The following CCDC85A variants were observed in gnomAD, a reference collection of about 807,000 sequenced individuals.
The protein encoded by CCDC85A is coiled-coil domain containing 85A.
Under a neutral mutation model 50.2 loss-of-function variants are expected in CCDC85A, and 38 were observed. That is an observed-to-expected ratio of 0.76 (90% CI 0.58 to 0.99). The LOEUF (loss-of-function observed/expected upper bound fraction) is 0.99. Among genes scored for constraint, CCDC85A ranks in the 50% least tolerant of loss-of-function variants. CCDC85A has a pLI of 0.00. For missense variants in CCDC85A, 820 were observed against 742.0 expected (o/e 1.11, Z -1.22); for synonymous variants, 366 against 301.4 (o/e 1.21, Z -2.22).
intron 2 of CCDC85A, among the ~76,000 whole-genome samples, chr2:56,250,195 G>T (rs754408667): frequency 3.9e-5 from 6 of 152,112 alleles, no homozygotes; most frequent in Non-Finnish European, 8.8e-5. Context: ...TTAAGAGTTT[G>T]GTGCCTGTTT....
At chr2:56,255,669 T>C (rs1324871681) in intron 2 of CCDC85A, among the ~76,000 whole-genome samples, 3 of 152,116 alleles carry the variant, frequency 2.0e-5, no homozygotes, top group Non-Finnish European at 1.5e-5. Flanking sequence ...GGGCTGGGAA[T>C]GGAGGAGGTC....
chr2:56,239,457 GC>G (rs1377230271), intron 2 of CCDC85A, among the ~76,000 whole-genome samples: 2 of 152,060 alleles, frequency 1.3e-5, no homozygotes, highest in Admixed American at 6.6e-5. Flanking sequence ...TAACATTGTA[GC>G]AAACTACATG....
chr2:56,359,136 T>A (rs1413401903), intron 3 of CCDC85A, among the ~76,000 whole-genome samples: 3 of 152,136 alleles, frequency 2.0e-5, no homozygotes, highest in Non-Finnish European at 4.4e-5. Flanking sequence ...CTCTTCCTAA[T>A]ATTTGCTACT....
chr2:56,262,972 AT>A lies in CCDC85A; in HGVS notation c.1240+69542del, dbSNP rs529207942. ...AAAAATAAGAGGTGCCACAGAGAAC[AT>A]TTTTTTTTTCAAGACCACTTAAAGC... On this transcript the variant is annotated intron_variant, in intron 2 of 5. Coordinates refer to ENST00000407595, the MANE Select transcript of CCDC85A (RefSeq NM_001080433.2). Among the ~76,000 whole-genome samples the A allele has an allele frequency of 2.3e-4, 35 of 150,678 alleles. 1 individual carries two copies. Among genetic ancestry groups the A allele is most frequent in the Middle Eastern group, 3.4e-3 (1 of 292 alleles).
At chr2:56,236,944 A>G (rs1282033121) in intron 2 of CCDC85A, among the ~76,000 whole-genome samples, 2 of 152,102 alleles carry the variant, frequency 1.3e-5, no homozygotes, top group South Asian at 4.1e-4. Context: ...AAGAATGATG[A>G]TTCTGTTGTA....
intron 3 of CCDC85A, among the ~76,000 whole-genome samples, chr2:56,355,252 G>T (rs7562381): frequency 2.6e-5 from 4 of 151,924 alleles, no homozygotes; most frequent in African/African-American, 9.7e-5. Context: ...GGCTCCAAAC[G>T]CATAGGAAAA....
At chr2:56,316,034 CT>C (rs2104242554) in intron 2 of CCDC85A, among the ~76,000 whole-genome samples, 1 of 152,230 alleles carries the variant, frequency 6.6e-6, no homozygotes, top group Non-Finnish European at 1.5e-5. Context: ...AGGGGGTCAG[CT>C]TGGTGTTGGG....
chr2:56,330,934 G>A (rs1007818104), intron 2 of CCDC85A, among the ~76,000 whole-genome samples: 2 of 152,050 alleles, frequency 1.3e-5, no homozygotes, highest in African/African-American at 4.8e-5. Flanking sequence ...TATATTTATA[G>A]TAGCACATTT....
chr2:56,288,430 T>C (rs538890679), intron 2 of CCDC85A, among the ~76,000 whole-genome samples: 1 of 152,236 alleles, frequency 6.6e-6, no homozygotes, highest in African/African-American at 2.4e-5. Flanking sequence ...AAATACAAAC[T>C]AGTTTAATGT....
intron 2 of CCDC85A, among the ~76,000 whole-genome samples, chr2:56,319,590 C>T (rs1247772781): frequency 6.6e-6 from 1 of 152,038 alleles, no homozygotes; most frequent in Non-Finnish European, 1.5e-5. Flanking sequence ...AATAAATAAA[C>T]AATGAATATA....
At position 56,184,282 on chromosome 2, in the gene CCDC85A, G is replaced by C. The variant is rs182343995; in HGVS notation, c.-343G>C. On this transcript the variant is annotated 5_prime_UTR_variant, in exon 1 of 6. Coordinates refer to ENST00000407595, the MANE Select transcript of CCDC85A (RefSeq NM_001080433.2). ...GGCTTAGGGCGGAGGAGAGGGCAGG[G>C]GAACGGCGGTGCAGCTCCCCCGCTG... 9.5e-4 allele frequency: 758 copies of C among 794,880 alleles called. 7 individuals are homozygous for C. The African/African-American group carries it at 0.013, about 14-fold the overall frequency. The allele number at this position is 794,880 out of a possible 1,614,324, so 49.2% of individuals were successfully genotyped here.
At chr2:56,354,833 T>A (rs1675140646) in intron 3 of CCDC85A, among the ~76,000 whole-genome samples, 1 of 152,180 alleles carries the variant, frequency 6.6e-6, no homozygotes, top group Admixed American at 6.5e-5. Context: ...TATTTTAGAA[T>A]TAAAAATTAT....
intron 2 of CCDC85A, among the ~76,000 whole-genome samples, chr2:56,223,196 T>G (rs947674082): frequency 6.6e-6 from 1 of 152,162 alleles, no homozygotes; most frequent in Non-Finnish European, 1.5e-5. Context: ...TTTGGATGCA[T>G]AAATTTTTAT....
chr2:56,307,209 T>A (rs1672484019), intron 2 of CCDC85A, among the ~76,000 whole-genome samples: 1 of 152,158 alleles, frequency 6.6e-6, no homozygotes, highest in Admixed American at 6.6e-5. Context: ...TATTGCACGA[T>A]ACAGTCTTAT....
intron 3 of CCDC85A, among the ~76,000 whole-genome samples, chr2:56,344,393 G>A (rs1674528874): frequency 6.6e-6 from 1 of 152,166 alleles, no homozygotes; most frequent in East Asian, 1.9e-4. Context: ...GTGGGATGGA[G>A]CAGGACAGCA....
chr2:56,378,983 T>C (rs895564518), intron 5 of CCDC85A, among the ~76,000 whole-genome samples: 1 of 152,214 alleles, frequency 6.6e-6, no homozygotes, highest in Admixed American at 6.5e-5. Flanking sequence ...TCTCCTTTTG[T>C]AGTATAAAAA....
intron 2 of CCDC85A, among the ~76,000 whole-genome samples, chr2:56,338,742 C>A (rs1367072619): frequency 6.6e-6 from 1 of 151,832 alleles, no homozygotes; most frequent in Non-Finnish European, 1.5e-5. Flanking sequence ...AATATTTCTT[C>A]TTTTTTTCTC....
chr2:56,193,352 C>T lies in CCDC85A; in HGVS notation c.1152C>T (p.Ser384=), dbSNP rs756647145. ...GAGGCAGTGGAGGAAGTGGAGGCAG[C>T]GGCGGAGGCAGCAGGGAGGGCACCC... is the stretch of plus-strand genomic sequence containing the variant. The part of the protein sequence containing the change: ...HGGGSGGSGG[S]GGGSREGTLR... The change falls in exon 2 of 6, where the codon AGC becomes AGT. Residue 384 remains serine, a synonymous_variant. Coordinates refer to ENST00000407595, the MANE Select transcript of CCDC85A (RefSeq NM_001080433.2). 32 of 1,610,902 alleles carry T rather than the reference C, an allele frequency of 2.0e-5. No individual in the cohort carries two copies. The highest frequency in any genetic ancestry group is 2.5e-5 in the Non-Finnish European group (29 of 1,178,516).
intron 2 of CCDC85A, among the ~76,000 whole-genome samples, chr2:56,205,536 A>G (rs1013873881): frequency 7.9e-5 from 12 of 152,178 alleles, no homozygotes; most frequent in African/African-American, 2.7e-4. Context: ...TTATTACAAC[A>G]AATTAAAGGC....
Sources: allele counts gnomAD v4.1 joint callset (sites outside exome capture counted in the v4.1 genomes callset), GRCh38; gene constraint gnomAD v4.1.1; transcripts MANE v1.5; gene names NCBI Gene and HGNC (gene_info 2026-07-23, HGNC 2026-07-21).